The following SLC7A9 variants were observed in gnomAD, a reference collection of about 807,000 sequenced individuals.
SLC7A9 encodes the protein solute carrier family 7 member 9, also known as B(0,+)-type amino acid transporter 1.
In SLC7A9, 38 loss-of-function variants were observed where a neutral mutation model predicts 54.1. The ratio of observed to expected loss-of-function variants is 0.70; its 90% CI spans 0.54 to 0.92. The LOEUF is 0.92. Among genes scored for constraint, SLC7A9 ranks in the 40% least tolerant of loss-of-function variants. The pLI, the probability that SLC7A9 is intolerant of heterozygous loss-of-function variation, is 0.00. For synonymous variants in SLC7A9, 264 were observed against 258.9 expected, an observed-to-expected ratio of 1.02 and a Z score of -0.19; for missense variants, 537 against 636.1, an observed-to-expected ratio of 0.84 and a Z score of 1.68.
At chr19:32,842,597 T>TTTTG (rs1968159846) in intron 10 of SLC7A9, among the ~76,000 whole-genome samples, 1 of 148,998 alleles carries the variant, frequency 6.7e-6, no homozygotes, top group East Asian at 2.0e-4. Context: ...ACTGTGGGTT[T>TTTTG]TTTTGTTTTG....
At chr19:32,837,265 G>C (rs1203474022) in intron 11 of SLC7A9, among the ~76,000 whole-genome samples, 1 of 152,094 alleles carries the variant, frequency 6.6e-6, no homozygotes, top group Admixed American at 6.6e-5. Flanking sequence ...GGAGGCCAAG[G>C]CAGGAAGATA....
At chr19:32,844,657 C>T (rs995166332) in intron 9 of SLC7A9, among the ~76,000 whole-genome samples, 1 of 151,756 alleles carries the variant, frequency 6.6e-6, no homozygotes, top group African/African-American at 2.4e-5. Context: ...TGGTGAAACC[C>T]TATGTCTACT....
intron 9 of SLC7A9, among the ~76,000 whole-genome samples, chr19:32,844,360 A>G (rs1444814340): frequency 1.3e-5 from 2 of 152,172 alleles, no homozygotes; most frequent in Non-Finnish European, 2.9e-5. Context: ...GAAGCTACAT[A>G]TTAATATTAA....
intron 9 of SLC7A9, among the ~76,000 whole-genome samples, chr19:32,847,109 ACT>A (rs1423358274): frequency 6.6e-6 from 1 of 152,150 alleles, no homozygotes; most frequent in Non-Finnish European, 1.5e-5. Context: ...AAAACTGGAA[ACT>A]CTAAAAAGCA....
At chr19:32,858,382 G>T in intron 9 of SLC7A9, 58 bp downstream of exon 9, 2 of 1,177,736 alleles carry the variant, frequency 1.7e-6, no homozygotes, top group Non-Finnish European at 2.5e-6. Flanking sequence ...CTTCCTCGGG[G>T]GTGATATTGC....
At chr19:32,838,618 T>C (rs1334788848) in intron 11 of SLC7A9, among the ~76,000 whole-genome samples, 1 of 147,030 alleles carries the variant, frequency 6.8e-6, no homozygotes, top group Non-Finnish European at 1.5e-5. Flanking sequence ...ACCTATAATA[T>C]ATACTTATAT....
Position 32,864,007 on chromosome 19 carries a change from G to A in SLC7A9, c.478+89C>T, listed in dbSNP as rs752501424. On this transcript the variant is annotated intron_variant, in intron 4 of 12. Transcript: ENST00000023064. ...AGGCCCTGCCTGGGCTCTCACCAGAGACTCACTGGGGAGGAGCTGAGGGCG... is the reference window on the plus strand; with the variant it reads ...AGGCCCTGCCTGGGCTCTCACCAGAAACTCACTGGGGAGGAGCTGAGGGCG... 4.5e-4 allele frequency: 710 copies of A among 1,594,298 alleles called. 1 individual carries two copies. Among genetic ancestry groups the A allele is most frequent in the Admixed American group, 1.0e-3 (61 of 59,978 alleles).
At chr19:32,836,452 G>C (rs1457209477) in intron 11 of SLC7A9, among the ~76,000 whole-genome samples, 2 of 152,186 alleles carry the variant, frequency 1.3e-5, no homozygotes, top group African/African-American at 4.8e-5. Flanking sequence ...TCATTAAAGA[G>C]AGAGAATGTT....
intron 3 of SLC7A9, 123 bp from the exon 4 acceptor site, chr19:32,864,461 G>A: frequency 2.0e-6 from 3 of 1,523,838 alleles, no homozygotes; most frequent in Non-Finnish European, 2.7e-6. Context: ...GCCCTCGCTG[G>A]ACGGCCCTGA....
At chr19:32,847,444 A>AGATGAAATG (rs371862260) in intron 9 of SLC7A9, among the ~76,000 whole-genome samples, 15,776 of 152,194 alleles carry the variant, frequency 0.1, 1,009 homozygotes, top group Middle Eastern at 0.16. Context: ...CAGTAATGGA[A>AGATGAAATG]GATGAAATGA....
In SLC7A9 at chr19:32,862,509, C is replaced by T. The variant is rs1342799682; in HGVS notation, c.556G>A (p.Val186Met). 6.2e-7 allele frequency: 1 copy of T among 1,613,684 alleles called. No individual in the cohort carries two copies. Among genetic ancestry groups the T allele is most frequent in the Admixed American group, 1.7e-5 (1 of 60,018 alleles). ...CTGATGATGATGATGGCCACGATCA[C>T]CAGCTTGGCCGCGGTGAAGATGTTC... ...VQNIFTAAKL[V>M]IVAIIIISGL... The change falls in exon 5 of 13, where the codon GTG becomes ATG. Residue 186 changes from valine to methionine, a missense_variant. Physicochemically the swap from Val to Met is conservative, Grantham distance 21. Coordinates refer to ENST00000023064, the MANE Select transcript of SLC7A9 (RefSeq NM_014270.5).
intron 10 of SLC7A9, among the ~76,000 whole-genome samples, chr19:32,843,598 A>G (rs1290265939): frequency 6.6e-6 from 1 of 152,172 alleles, no homozygotes; most frequent in Non-Finnish European, 1.5e-5. Flanking sequence ...GGGCTTTTAT[A>G]TAGAGTTTGT....
intron 1 of SLC7A9, 84 bp from the exon 2 acceptor site, chr19:32,868,729 A>AAGTC (rs1347580681): frequency 1.2e-5 from 8 of 649,590 alleles, no homozygotes; most frequent in Non-Finnish European, 5.6e-6. Context: ...CCCAGAGTCA[A>AAGTC]AGTCAGTCAT....
intron 10 of SLC7A9, among the ~76,000 whole-genome samples, chr19:32,843,382 G>T (rs1191067367): frequency 6.6e-6 from 1 of 152,138 alleles, no homozygotes; most frequent in Non-Finnish European, 1.5e-5. Flanking sequence ...ATTTGAACCT[G>T]GGAGGCGGAG....
At position 32,830,621 on chromosome 19, in the gene SLC7A9, T is replaced by C. The variant is rs746831158; in HGVS notation, c.1463A>G (p.Ter488=). ...EVVPPEEDPE[*] The stretch of plus-strand genomic sequence containing the variant: ...CTTGGCTACAAGAGACGGAGCTTGT[T>C]ACTCAGGGTCTTCCTCCGGTGGGAC... The change falls in exon 13 of 13, where the codon TAA becomes TGA. Residue 488 remains the stop codon, a stop_retained_variant. Transcript: ENST00000023064. The C allele has an allele frequency of 3.1e-6, 5 of 1,612,640 alleles. No homozygotes were observed. In the East Asian group the frequency reaches 6.7e-5, roughly 22 times the overall value.
chr19:32,858,338 G>A (rs763641738), intron 9 of SLC7A9, 102 bp downstream of exon 9: 6 of 842,964 alleles, frequency 7.1e-6, no homozygotes, highest in Non-Finnish European at 1.2e-5. Context: ...CGTGGGTTTC[G>A]CCTGGCAGAA....
At chr19:32,860,714 A>G (rs867949699) in intron 6 of SLC7A9, 64 bp from the exon 7 acceptor site, 4 of 1,601,370 alleles carry the variant, frequency 2.5e-6, no homozygotes, top group Non-Finnish European at 3.4e-6. Context: ...TGAAACCCAC[A>G]ATAATAAATG....
chr19:32,837,001 T>A (rs753703371), intron 11 of SLC7A9, among the ~76,000 whole-genome samples: 1 of 152,202 alleles, frequency 6.6e-6, no homozygotes, highest in Non-Finnish European at 1.5e-5. Context: ...TTACTTTCAA[T>A]GGCTGATGTA....
intron 8 of SLC7A9, 80 bp from the exon 9 acceptor site, chr19:32,858,623 T>TCCCAGGGGA: frequency 1.2e-5 from 14 of 1,156,058 alleles, no homozygotes; most frequent in Non-Finnish European, 1.8e-5. Flanking sequence ...TATTCTGGCC[T>TCCCAGGGGA]CCCAGGGGAC....
Sources: allele counts gnomAD v4.1 joint callset (sites outside exome capture counted in the v4.1 genomes callset), GRCh38; gene constraint gnomAD v4.1.1; transcripts MANE v1.5; gene names NCBI Gene and HGNC (gene_info 2026-07-23, HGNC 2026-07-21).